The following CTNND2 variants were observed in gnomAD, a reference collection of about 807,000 sequenced individuals.
The protein encoded by CTNND2 is catenin delta 2.
A neutral mutation model predicts 144.4 loss-of-function variants in CTNND2; 22 were observed. The ratio of observed to expected loss-of-function variants is 0.15; its 90% confidence interval spans 0.11 to 0.22. CTNND2 has a LOEUF of 0.22. Ranked by LOEUF, CTNND2 falls within the 10% of genes least tolerant of loss-of-function variation. CTNND2 has a pLI of 1.00. For missense variants in CTNND2, 1,353 were observed against 1,618.8 expected, an observed-to-expected ratio of 0.84 and a Z score of 2.82; for synonymous variants, 751 against 695.6, an observed-to-expected ratio of 1.08 and a Z score of -1.25.
chr5:11,024,365 TG>T (rs1182429821), intron 16 of CTNND2, among the ~76,000 whole-genome samples: 2 of 152,234 alleles, frequency 1.3e-5, no homozygotes, highest in African/African-American at 2.4e-5. Context: ...AACCCCCAAA[TG>T]TAGCATATTT....
chr5:11,074,364 C>G (rs1748685096), intron 16 of CTNND2, among the ~76,000 whole-genome samples: 1 of 152,152 alleles, frequency 6.6e-6, no homozygotes, highest in Non-Finnish European at 1.5e-5. Context: ...ATATGATACT[C>G]TGAGCATGGA....
At chr5:11,694,352 G>A (rs181624645) in intron 2 of CTNND2, among the ~76,000 whole-genome samples, 49 of 151,596 alleles carry the variant, frequency 3.2e-4, no homozygotes, top group African/African-American at 9.7e-4. Context: ...GGAGAATGGC[G>A]TGAACCCGGG....
chr5:11,231,062 A>G (rs1249080290), intron 10 of CTNND2, among the ~76,000 whole-genome samples: 1 of 152,080 alleles, frequency 6.6e-6, no homozygotes, highest in Non-Finnish European at 1.5e-5. Context: ...GGTTTCCTCC[A>G]TGGTGTTCTC....
intron 12 of CTNND2, among the ~76,000 whole-genome samples, chr5:11,130,323 C>A (rs1447504359): frequency 6.6e-6 from 1 of 152,088 alleles, no homozygotes; most frequent in Non-Finnish European, 1.5e-5. Flanking sequence ...CTTTTGATGA[C>A]GATTAAACAC....
At chr5:11,818,511 G>C (rs1318487554) in intron 1 of CTNND2, among the ~76,000 whole-genome samples, 1 of 151,918 alleles carries the variant, frequency 6.6e-6, no homozygotes, top group African/African-American at 2.4e-5. Context: ...TGAAACTACA[G>C]CTGCCACCAC....
chr5:11,624,478 A>G (rs1438931260), intron 2 of CTNND2, among the ~76,000 whole-genome samples: 2 of 152,112 alleles, frequency 1.3e-5, no homozygotes, highest in Non-Finnish European at 2.9e-5. Flanking sequence ...ATACTTGACA[A>G]TGGTGTTATT....
At chr5:11,240,125 CCCAACACACACA>C (rs1742067927) in intron 9 of CTNND2, among the ~76,000 whole-genome samples, 1 of 149,174 alleles carries the variant, frequency 6.7e-6, no homozygotes, top group Admixed American at 6.7e-5. Flanking sequence ...CACACACACC[CCCAACACACACA>C]CCCAACACAC....
At chr5:11,522,834 A>G (rs1772868346) in intron 3 of CTNND2, among the ~76,000 whole-genome samples, 1 of 152,158 alleles carries the variant, frequency 6.6e-6, no homozygotes, top group Admixed American at 6.5e-5. Flanking sequence ...ATTTTTGGCC[A>G]TAGAAAAATT....
intron 3 of CTNND2, among the ~76,000 whole-genome samples, chr5:11,529,968 T>C (rs1250009755): frequency 1.3e-5 from 2 of 151,558 alleles, no homozygotes; most frequent in African/African-American, 2.4e-5. Context: ...TTATATGCTA[T>C]AAGATTGCTT....
chr5:11,805,945 C>T (rs1336732984), intron 1 of CTNND2, among the ~76,000 whole-genome samples: 1 of 152,136 alleles, frequency 6.6e-6, no homozygotes, highest in Non-Finnish European at 1.5e-5. Context: ...AATGGTCAGT[C>T]ATGTCAACAG....
At chr5:11,465,181 A>G (rs949645138) in intron 3 of CTNND2, among the ~76,000 whole-genome samples, 9 of 152,228 alleles carry the variant, frequency 5.9e-5, no homozygotes, top group Admixed American at 5.9e-4. Context: ...CACATTGTTA[A>G]TAATCTGCAT....
Position 11,191,652 on chromosome 5 carries a change from T to G in CTNND2, c.1975+7796A>C, listed in dbSNP as rs557809030. On this transcript the variant is annotated intron_variant, in intron 11 of 21. Transcript: ENST00000304623. ...GCAGAGGGCATCAGGGCTGCTGCAGTGTGTGCACGTACCCCCTGCTGCTGC... is the reference window on the plus strand; with the variant it reads ...GCAGAGGGCATCAGGGCTGCTGCAGGGTGTGCACGTACCCCCTGCTGCTGC... Among the ~76,000 whole-genome samples, 12 of 152,330 alleles carry G rather than the reference T, an allele frequency of 7.9e-5. No individual in the cohort carries two copies. The East Asian group carries it at 9.7e-4, about 12-fold the overall frequency.
chr5:11,833,076 AAG>A (rs768215481), intron 1 of CTNND2, among the ~76,000 whole-genome samples: 19 of 152,222 alleles, frequency 1.2e-4, no homozygotes, highest in Admixed American at 1.2e-3. Context: ...GCAATTCTGT[AAG>A]AGTTTGGTGT....
chr5:11,258,309 G>C (rs1388493973), intron 9 of CTNND2, among the ~76,000 whole-genome samples: 1 of 152,216 alleles, frequency 6.6e-6, no homozygotes, highest in Non-Finnish European at 1.5e-5. Context: ...TGGAGGGGCT[G>C]GATGGGCCCC....
intron 9 of CTNND2, among the ~76,000 whole-genome samples, chr5:11,322,019 A>G (rs966582272): frequency 2.6e-5 from 4 of 151,892 alleles, no homozygotes; most frequent in Non-Finnish European, 4.4e-5. Context: ...CTGCCACACA[A>G]CGCCTCTGGT....
intron 11 of CTNND2, among the ~76,000 whole-genome samples, chr5:11,185,051 A>C (rs1475373977): frequency 1.3e-5 from 2 of 152,018 alleles, no homozygotes; most frequent in African/African-American, 4.8e-5. Context: ...TTCTCAATCC[A>C]TTCTTATTAA....
At chr5:11,126,617 T>C (rs1392858012) in intron 12 of CTNND2, among the ~76,000 whole-genome samples, 1 of 152,186 alleles carries the variant, frequency 6.6e-6, no homozygotes, top group Non-Finnish European at 1.5e-5. Flanking sequence ...AGACATTATA[T>C]TTGATGTGAG....
chr5:11,052,923 CT>C (rs537913783), intron 16 of CTNND2, among the ~76,000 whole-genome samples: 7 of 152,016 alleles, frequency 4.6e-5, no homozygotes, highest in African/African-American at 1.4e-4. Flanking sequence ...GTTCATAATG[CT>C]TTTTTTTCCC....
chr5:11,341,341 G>A (rs1754258177), intron 9 of CTNND2, among the ~76,000 whole-genome samples: 1 of 152,186 alleles, frequency 6.6e-6, no homozygotes, highest in South Asian at 2.1e-4. Context: ...AAATAAAATG[G>A]TTCAAGAGAT....
Sources: gnomAD v4.1 joint callset for allele counts (sites outside exome capture counted in the v4.1 genomes callset) on GRCh38, gnomAD v4.1.1 for gene constraint, MANE v1.5 for transcripts, NCBI Gene and HGNC (gene_info 2026-07-23, HGNC 2026-07-21) for gene names.